PRRT1B: variants seen among roughly 807,000 people sequenced by gnomAD.
PRRT1B encodes the protein proline rich transmembrane protein 1B.
chr9:131,547,065 C>CTTTTTTTT (rs549825970), intron 1 of PRRT1B, among the ~76,000 whole-genome samples: 1,017 of 100,610 alleles, frequency 0.01, 186 homozygotes, highest in African/African-American at 0.041. Flanking sequence ...CTCCTGTTCG[C>CTTTTTTTT]TTTTTTTTTT....
chr9:131,554,517 C>T (rs1372444842), intron 1 of PRRT1B, 40 bp from the exon 2 acceptor site: 8 of 385,318 alleles, frequency 2.1e-5, no homozygotes, highest in Admixed American at 4.5e-5. Flanking sequence ...CCACCTAGCC[C>T]GGCGGCCTCT....
At chr9:131,550,172 C>G (rs114915471) in intron 1 of PRRT1B, among the ~76,000 whole-genome samples, 6 of 152,212 alleles carry the variant, frequency 3.9e-5, no homozygotes, top group African/African-American at 1.4e-4. Flanking sequence ...TTTACCTGTC[C>G]GAAAACCAGG....
At chr9:131,552,099 G>A (rs565949367) in intron 1 of PRRT1B, among the ~76,000 whole-genome samples, 10 of 152,212 alleles carry the variant, frequency 6.6e-5, no homozygotes, top group Admixed American at 2.0e-4. Context: ...AGCCATGTTC[G>A]CCTCTCTAAA....
intron 1 of PRRT1B, among the ~76,000 whole-genome samples, chr9:131,548,992 A>C (rs1226962071): frequency 1.3e-5 from 2 of 152,204 alleles, no homozygotes; most frequent in Non-Finnish European, 1.5e-5. Context: ...AATATGAAAA[A>C]GCCAGCCCAG....
At chr9:131,559,312 A>G (rs1345278076), downstream of PRRT1B, among the ~76,000 whole-genome samples, 1 of 152,208 alleles carries the variant, frequency 6.6e-6, no homozygotes, top group Non-Finnish European at 1.5e-5. Context: ...GTGTAGTGGC[A>G]GGCGCCTGTA....
chr9:131,552,336 CT>C (rs1440055069), intron 1 of PRRT1B, among the ~76,000 whole-genome samples: 2 of 152,194 alleles, frequency 1.3e-5, no homozygotes, highest in Non-Finnish European at 2.9e-5. Context: ...ATAATGGCTG[CT>C]TTTTCTGAAA....
intron 1 of PRRT1B, among the ~76,000 whole-genome samples, chr9:131,546,958 C>A (rs901976062): frequency 2.0e-5 from 3 of 151,826 alleles, no homozygotes; most frequent in Admixed American, 6.6e-5. Flanking sequence ...TGCTGGGAGT[C>A]TCGGTTCCCT....
intron 2 of PRRT1B, among the ~76,000 whole-genome samples, chr9:131,555,316 A>G (rs1951041991): frequency 6.6e-6 from 1 of 151,942 alleles, no homozygotes; most frequent in African/African-American, 2.4e-5. Flanking sequence ...GAGGGCAGGA[A>G]GGTGGAACCC....
At chr9:131,550,939 CTTTTTTTTTT>C (rs546049217) in intron 1 of PRRT1B, among the ~76,000 whole-genome samples, 1 of 75,998 alleles carries the variant, frequency 1.3e-5, no homozygotes, top group Admixed American at 1.7e-4. Context: ...TTTTCTTTTT[CTTTTTTTTTT>C]TTTTTTTTTT....
chr9:131,559,635 A>G (rs1338397376), downstream of PRRT1B, among the ~76,000 whole-genome samples: 1 of 152,228 alleles, frequency 6.6e-6, no homozygotes. Flanking sequence ...AGAGGCAGGC[A>G]TGAGGAAGTA....
At chr9:131,556,147 G>T (rs1951048111) in exon 3 of PRRT1B, 2 of 401,060 alleles carry the variant, frequency 5.0e-6, no homozygotes, top group Non-Finnish European at 8.8e-6. Context: ...ACATGATGGA[G>T]TCAGTGCTGG....
intron 1 of PRRT1B, among the ~76,000 whole-genome samples, chr9:131,552,520 C>T (rs1047136488): frequency 6.6e-6 from 1 of 152,184 alleles, no homozygotes; most frequent in Non-Finnish European, 1.5e-5. Context: ...TGTTTGGTTT[C>T]AGGAGGCAGT....
intron 1 of PRRT1B, among the ~76,000 whole-genome samples, chr9:131,553,164 C>CT (rs2132009937): frequency 6.6e-6 from 1 of 152,286 alleles, no homozygotes; most frequent in African/African-American, 2.4e-5. Flanking sequence ...TGAACCACTT[C>CT]TAAGTGTGCG....
At chr9:131,554,875 C>T (rs1588551450) in exon 2 of PRRT1B, 1 of 379,972 alleles carries the variant, frequency 2.6e-6, no homozygotes, top group East Asian at 3.8e-5. Context: ...CCCAAGGCCG[C>T]GCCGCTGCTG....
rs1046606093 is a variant in PRRT1B at position 131,555,031 on chromosome 9, T to G, written c.498+2T>G. 9 of 390,204 alleles carry G rather than the reference T, an allele frequency of 2.3e-5. No individual in the cohort carries two copies. The highest frequency in any genetic ancestry group is 4.1e-5 in the Non-Finnish European group (9 of 221,064). The allele number at this position is 390,204 out of a possible 1,614,324, so 24.2% of individuals were successfully genotyped here. Reference sequence around the variant, plus strand: ...GGGGCCGCCTTCCCCTTCCCCGTGGTGAGTGGCCGCCGCCCTGGGCGCGCT... The same window carrying G: ...GGGGCCGCCTTCCCCTTCCCCGTGGGGAGTGGCCGCCGCCCTGGGCGCGCT... On this transcript the variant is annotated splice_donor_variant, in intron 2 of 3. Transcript: ENST00000636672. LOFTEE classifies it high-confidence loss of function.
chr9:131,557,687 G>A (rs1951059421), intron 3 of PRRT1B, among the ~76,000 whole-genome samples: 1 of 152,250 alleles, frequency 6.6e-6, no homozygotes, highest in African/African-American at 2.4e-5. Flanking sequence ...GACTTGAGAG[G>A]TTGCTGCCTG....
At chr9:131,554,646 C>A (rs1951034732) in exon 2 of PRRT1B, 1 of 392,626 alleles carries the variant, frequency 2.5e-6, no homozygotes. Context: ...TCCCCAGATG[C>A]CCGCGCAGCC....
intron 1 of PRRT1B, among the ~76,000 whole-genome samples, chr9:131,549,107 C>A (rs550758942): frequency 6.6e-6 from 1 of 152,146 alleles, no homozygotes; most frequent in African/African-American, 2.4e-5. Context: ...CCAATCCGCT[C>A]CCGACATTAA....
intron 1 of PRRT1B, among the ~76,000 whole-genome samples, chr9:131,545,861 TAGCGGG>T (rs911415220): frequency 1.3e-5 from 2 of 150,818 alleles, no homozygotes; most frequent in African/African-American, 4.9e-5. Flanking sequence ...GGAGGGGGTT[TAGCGGG>T]TAGATAACTG....
Sources: gnomAD v4.1 joint callset for allele counts (sites outside exome capture counted in the v4.1 genomes callset) on GRCh38, gnomAD v4.1.1 for gene constraint, MANE v1.5 for transcripts, NCBI Gene and HGNC (gene_info 2026-07-23, HGNC 2026-07-21) for gene names.